Variants in AGO2 observed in about 807,000 individuals in gnomAD.
The protein encoded by AGO2 is protein argonaute-2.
In AGO2, 5 loss-of-function variants were observed where a neutral mutation model predicts 102.3. The observed-to-expected ratio is 0.05, with a 90% CI of 0.03 to 0.10. The LOEUF is 0.10. Among genes scored for constraint, AGO2 ranks in the 10% least tolerant of loss-of-function variants. AGO2 has a pLI of 1.00. For synonymous variants in AGO2, 449 were observed against 473.1 expected (o/e 0.95, Z 0.66); for missense variants, 541 against 1,183.7 (o/e 0.46, Z 7.97).
At position 140,531,179 on chromosome 8, in the gene AGO2, T is replaced by C. The variant is rs2072589150; in HGVS notation, c.*865A>G. 1 of 152,466 alleles carries C rather than the reference T, an allele frequency of 6.6e-6. No homozygotes were observed. Among genetic ancestry groups the C allele is most frequent in the Non-Finnish European group, 1.5e-5 (1 of 68,028 alleles). The allele number at this position is 152,466 out of a possible 1,614,324, so 9.4% of individuals were successfully genotyped here. A position where few individuals can be genotyped will look rare whatever the true frequency, so the allele number is the denominator to read the frequency against. Reference sequence around the variant, plus strand: ...TATCACATTAATACTGCAAACCAGATATATATATTCTTCTCTTACATTAAA... The same window carrying C: ...TATCACATTAATACTGCAAACCAGACATATATATTCTTCTCTTACATTAAA... On this transcript the variant is annotated 3_prime_UTR_variant, in exon 19 of 19. Coordinates refer to ENST00000220592, the MANE Select transcript of AGO2 (RefSeq NM_012154.5).
chr8:140,630,258 C>G (rs372041548), intron 1 of AGO2, among the ~76,000 whole-genome samples: 36 of 152,318 alleles, frequency 2.4e-4, no homozygotes, highest in African/African-American at 8.2e-4. Flanking sequence ...GCCCGTCCAC[C>G]CTGCTTTGCA....
At chr8:140,573,608 G>A (rs554638329) in intron 2 of AGO2, among the ~76,000 whole-genome samples, 1 of 152,346 alleles carries the variant, frequency 6.6e-6, no homozygotes, top group African/African-American at 2.4e-5. Context: ...TGAAACACGG[G>A]AGAACCTGAT....
chr8:140,546,125 A>G (rs2072895581), intron 13 of AGO2, among the ~76,000 whole-genome samples: 1 of 152,138 alleles, frequency 6.6e-6, no homozygotes, highest in African/African-American at 2.4e-5. Context: ...GAGGAACAGC[A>G]CTTTCAGTTC....
intron 3 of AGO2, among the ~76,000 whole-genome samples, chr8:140,568,055 T>C (rs2944752): frequency 0.8 from 117,483 of 147,174 alleles, 47,532 homozygotes; most frequent in East Asian, 0.99. Flanking sequence ...GTCAGGAGTT[T>C]GAGACCAGCC....
In AGO2 at chr8:140,561,137, C is replaced by T. The variant is rs970091608; in HGVS notation, c.519-627G>A. Among the ~76,000 whole-genome samples, 19 of 152,374 alleles carry T rather than the reference C, an allele frequency of 1.2e-4. No homozygotes were observed. The South Asian group carries it at 1.4e-3, about 12-fold the overall frequency. ...GCCTGCTAGGGATGCTGCGCTGACCCGGCTGGAGCTACTCGACTGAAGCAG... is the reference window on the plus strand; with the variant it reads ...GCCTGCTAGGGATGCTGCGCTGACCTGGCTGGAGCTACTCGACTGAAGCAG... On this transcript the variant is annotated intron_variant, in intron 4 of 18. Transcript: ENST00000220592.
intron 1 of AGO2, among the ~76,000 whole-genome samples, chr8:140,612,038 AC>A (rs1297246105): frequency 2.0e-5 from 3 of 151,538 alleles, no homozygotes; most frequent in African/African-American, 2.4e-5. Context: ...CCTGGCTAAC[AC>A]GGTGAAACCC....
Position 140,525,927 on chromosome 8 carries a change from C to T in AGO2, c.*6117G>A, listed in dbSNP as rs1201818316. The T allele has an allele frequency of 3.3e-5, 5 of 152,160 alleles. No individual in the cohort carries two copies. Among genetic ancestry groups the T allele is most frequent in the African/African-American group, 9.7e-5 (4 of 41,428 alleles). The allele number at this position is 152,160 out of a possible 1,614,324, so 9.4% of individuals were successfully genotyped here. ...CGACTTCCTGCAAGTCTGCATCAGA[C>T]GGTCCACTGCGCCACTAGTGGGAAC... On this transcript the variant is annotated 3_prime_UTR_variant, in exon 19 of 19. Coordinates refer to ENST00000220592, the MANE Select transcript of AGO2 (RefSeq NM_012154.5).
At chr8:140,565,703 G>A (rs1228940007) in intron 3 of AGO2, among the ~76,000 whole-genome samples, 2 of 151,950 alleles carry the variant, frequency 1.3e-5, no homozygotes, top group African/African-American at 4.8e-5. Flanking sequence ...TATAAAATAT[G>A]TGTTAATTTA....
At chr8:140,532,661 T>C in intron 17 of AGO2, 46 bp from the exon 18 acceptor site, 1 of 1,568,178 alleles carries the variant, frequency 6.4e-7, no homozygotes, top group Non-Finnish European at 8.8e-7. Flanking sequence ...CATAAAATCT[T>C]TAAAAGGATA....
intron 1 of AGO2, among the ~76,000 whole-genome samples, chr8:140,613,638 C>T (rs999396761): frequency 4.6e-5 from 7 of 152,094 alleles, no homozygotes; most frequent in Admixed American, 1.3e-4. Context: ...TCAGGAATAA[C>T]GGTAATACTG....
chr8:140,560,944 G>A (rs1300950620), intron 4 of AGO2, among the ~76,000 whole-genome samples: 2 of 152,258 alleles, frequency 1.3e-5, no homozygotes, highest in Non-Finnish European at 2.9e-5. Context: ...CCCAGCCGTG[G>A]GGAGACGTGT....
In AGO2 at chr8:140,547,976, G is replaced by C. The variant is rs192164779; in HGVS notation, c.1589-349C>G. Among the ~76,000 whole-genome samples the C allele has an allele frequency of 2.0e-5, 3 of 152,340 alleles. No individual in the cohort carries two copies. The East Asian group carries it at 5.8e-4, about 29-fold the overall frequency. ...TCACCTAGGGCCCCAGGGCAGGAGA[G>C]AAAGAGCCCAACTAAAAGAAAGGAC... On this transcript the variant is annotated intron_variant, in intron 12 of 18. Transcript: ENST00000220592.
chr8:140,555,873 G>T, intron 10 of AGO2, 23 bp downstream of exon 10: 1 of 1,607,444 alleles, frequency 6.2e-7, no homozygotes. Flanking sequence ...GCAGCCACAC[G>T]TTCCCCGCCG....
intron 1 of AGO2, among the ~76,000 whole-genome samples, chr8:140,590,597 G>A (rs2073733395): frequency 6.6e-6 from 1 of 152,202 alleles, no homozygotes; most frequent in African/African-American, 2.4e-5. Flanking sequence ...AACCCACCTC[G>A]CTGGCCACCG....
At chr8:140,532,283 G>A in intron 18 of AGO2, 131 bp from the exon 19 acceptor site, 1 of 1,369,052 alleles carries the variant, frequency 7.3e-7, no homozygotes, top group Non-Finnish European at 1.0e-6. Flanking sequence ...TGACGGCCGT[G>A]CCATTAACAG....
chr8:140,626,095 G>A (rs909819693), intron 1 of AGO2, among the ~76,000 whole-genome samples: 2 of 133,714 alleles, frequency 1.5e-5, no homozygotes, highest in Admixed American at 8.0e-5. Flanking sequence ...TAGTTCCACC[G>A]GCTTCAGCTG....
intron 2 of AGO2, among the ~76,000 whole-genome samples, chr8:140,573,178 T>C (rs1260452117): frequency 2.0e-5 from 3 of 150,804 alleles, no homozygotes; most frequent in Admixed American, 1.3e-4. Context: ...AATTTTTTCT[T>C]TTTTTTTTGA....
At position 140,551,362 on chromosome 8, in the gene AGO2, G is replaced by T; in HGVS notation, c.1344C>A (p.Ile448=). Residue 448 remains isoleucine, a synonymous_variant, in exon 11 of 19, where the codon ATC becomes ATA. Transcript: ENST00000220592. ...CGAAGCACGCAATGGCCCACACCTT[G>T]ATCTCGATGCCCGTGTGGAACTGCT... is the stretch of plus-strand genomic sequence containing the variant. ...RNKQFHTGIE[I]KVWAIACFAP... 6.3e-7 allele frequency: 1 copy of T among 1,599,912 alleles called. No homozygotes were observed. Among genetic ancestry groups the T allele is most frequent in the Non-Finnish European group, 8.5e-7 (1 of 1,171,156 alleles).
At position 140,566,092 on chromosome 8, in the gene AGO2, A is replaced by T. The variant is rs527270422; in HGVS notation, c.337-3458T>A. On this transcript the variant is annotated intron_variant, in intron 3 of 18. Transcript: ENST00000220592. ...ACTGCATGGGGAATCAGCGCCTGTT[A>T]TGTTTGGCTATGTCCCCACCCAAAT... Among the ~76,000 whole-genome samples, 9 of 152,118 alleles carry T rather than the reference A, an allele frequency of 5.9e-5. No individual in the cohort carries two copies. The East Asian group carries it at 1.7e-3, about 29-fold the overall frequency.
Sources: allele counts gnomAD v4.1 joint callset (sites outside exome capture counted in the v4.1 genomes callset), GRCh38; gene constraint gnomAD v4.1.1; transcripts MANE v1.5; gene names NCBI Gene and HGNC (gene_info 2026-07-23, HGNC 2026-07-21).